PARPBP: variants seen among roughly 807,000 people sequenced by gnomAD.
The protein encoded by PARPBP is PCNA-interacting partner.
PARPBP carries 52 observed loss-of-function variants against 50.0 expected under a neutral mutation model. The observed-to-expected ratio is 1.04, with a 90% CI of 0.83 to 1.31. The LOEUF (loss-of-function observed/expected upper bound fraction) is 1.31. PARPBP is among the 50% of genes most tolerant of loss of function. The pLI, the probability that PARPBP is intolerant of heterozygous loss-of-function variation, is 0.00. For synonymous variants in PARPBP, 244 were observed against 232.1 expected (o/e 1.05, Z -0.47); for missense variants, 697 against 672.0 (o/e 1.04, Z -0.41).
intron 2 of PARPBP, among the ~76,000 whole-genome samples, chr12:102,146,110 G>A (rs892587717): frequency 1.6e-4 from 25 of 152,270 alleles, no homozygotes; most frequent in Admixed American, 8.5e-4. Context: ...TGGGTAGGAA[G>A]AATCAATATG....
chr12:102,180,955 G>A (rs1054808474), intron 8 of PARPBP, among the ~76,000 whole-genome samples: 1 of 152,144 alleles, frequency 6.6e-6, no homozygotes, highest in Non-Finnish European at 1.5e-5. Flanking sequence ...AGTCATTTGA[G>A]TCAAGGGGGT....
chr12:102,153,826 G>T, intron 3 of PARPBP, 43 bp from the exon 4 acceptor site: 1 of 1,039,532 alleles, frequency 9.6e-7, no homozygotes. Context: ...ATTTTTTATA[G>T]TCAGCATAGC....
chr12:102,146,964 A>G (rs1230763065), intron 2 of PARPBP, among the ~76,000 whole-genome samples: 3 of 152,154 alleles, frequency 2.0e-5, no homozygotes, highest in Non-Finnish European at 4.4e-5. Context: ...AACACATGAA[A>G]AAATGCTCAC....
At chr12:102,161,008 TAGG>T (rs1887525553) in intron 4 of PARPBP, among the ~76,000 whole-genome samples, 1 of 152,002 alleles carries the variant, frequency 6.6e-6, no homozygotes, top group Non-Finnish European at 1.5e-5. Context: ...TATAAAATTT[TAGG>T]AGAAGCCTTA....
chr12:102,155,913 C>A (rs1886843948), intron 4 of PARPBP, among the ~76,000 whole-genome samples: 1 of 152,184 alleles, frequency 6.6e-6, no homozygotes, highest in Non-Finnish European at 1.5e-5. Context: ...GCTAAATGCC[C>A]AGGTTCATCC....
intron 2 of PARPBP, among the ~76,000 whole-genome samples, chr12:102,147,588 A>T (rs1885561788): frequency 6.7e-6 from 1 of 150,090 alleles, no homozygotes; most frequent in Non-Finnish European, 1.5e-5. Flanking sequence ...GGGGTGAGGG[A>T]TAGCATTAGG....
At chr12:102,151,752 C>T (rs1886238128) in intron 3 of PARPBP, 1 of 1,535,604 alleles carries the variant, frequency 6.5e-7, no homozygotes, top group Admixed American at 2.0e-5. Context: ...CCATCACGGT[C>T]CAGAAGAAGA....
intron 3 of PARPBP, 169 bp downstream of exon 3, chr12:102,148,632 G>T (rs879616118): frequency 1.3e-5 from 6 of 448,450 alleles, no homozygotes; most frequent in Middle Eastern, 5.8e-4. Flanking sequence ...TTGAAAGAAA[G>T]ATTTTGTGGT....
chr12:102,185,470 G>C (rs116279491), intron 9 of PARPBP, among the ~76,000 whole-genome samples: 1 of 152,262 alleles, frequency 6.6e-6, no homozygotes, highest in African/African-American at 2.4e-5. Context: ...ATTTTCATTA[G>C]AGATGTTGGC....
chr12:102,121,076 T>C (rs1296601207), intron 1 of PARPBP, among the ~76,000 whole-genome samples: 1 of 152,324 alleles, frequency 6.6e-6, no homozygotes, highest in African/African-American at 2.4e-5. Context: ...TATTGTCTCA[T>C]TGACTTCTCA....
At chr12:102,182,912 T>C (rs1025766758) in intron 9 of PARPBP, among the ~76,000 whole-genome samples, 1 of 152,330 alleles carries the variant, frequency 6.6e-6, no homozygotes, top group Non-Finnish European at 1.5e-5. Flanking sequence ...ATGAGTGATG[T>C]GGAAAATAAA....
chr12:102,122,883 A>G (rs1480808878), intron 1 of PARPBP, among the ~76,000 whole-genome samples: 1 of 152,222 alleles, frequency 6.6e-6, no homozygotes, highest in Non-Finnish European at 1.5e-5. Flanking sequence ...AAGTATCTCC[A>G]CCAAGTTAGC....
chr12:102,133,673 CT>C (rs1443631388), intron 2 of PARPBP, among the ~76,000 whole-genome samples: 1 of 151,878 alleles, frequency 6.6e-6, no homozygotes, highest in African/African-American at 2.4e-5. Context: ...GAAGTATTCC[CT>C]TTTCATTTTT....
chr12:102,128,358 A>G (rs1882328710), intron 2 of PARPBP, among the ~76,000 whole-genome samples: 1 of 151,922 alleles, frequency 6.6e-6, no homozygotes, highest in South Asian at 2.1e-4. Context: ...CTGCCTCCCT[A>G]GTAGCTGGGA....
At chr12:102,165,624 T>G in intron 5 of PARPBP, 105 bp from the exon 6 acceptor site, 1 of 897,776 alleles carries the variant, frequency 1.1e-6, no homozygotes, top group East Asian at 2.6e-5. Flanking sequence ...TGTGCTTCAC[T>G]TTTAACTGTA....
At chr12:102,141,938 T>G (rs1884668553) in intron 2 of PARPBP, among the ~76,000 whole-genome samples, 1 of 152,188 alleles carries the variant, frequency 6.6e-6, no homozygotes, top group Non-Finnish European at 1.5e-5. Flanking sequence ...TCAGTTCAAC[T>G]TTGGTGAATC....
chr12:102,154,478 CAT>C (rs1416795911), intron 4 of PARPBP, among the ~76,000 whole-genome samples: 1 of 152,086 alleles, frequency 6.6e-6, no homozygotes, highest in African/African-American at 2.4e-5. Context: ...GGTACCTAAA[CAT>C]ATATGGTAAC....
At chr12:102,125,151 T>C (rs1390764520) in intron 2 of PARPBP, among the ~76,000 whole-genome samples, 1 of 152,168 alleles carries the variant, frequency 6.6e-6, no homozygotes, top group Non-Finnish European at 1.5e-5. Context: ...TGAACAAATA[T>C]TGAGTTTTTA....
rs73384868 is a variant in PARPBP at position 102,170,962 on chromosome 12, A to G, written c.822-4521A>G. Among the ~76,000 whole-genome samples the G allele has an allele frequency of 3.1e-3, 447 of 146,510 alleles. 1 individual carries two copies. The highest frequency in any genetic ancestry group is 0.011 in the African/African-American group (416 of 39,470). ...TTTTGTTTAAAATTAAGACACAAAC[A>G]TAAACATTAGCCTAGGTCTACACAG... On this transcript the variant is annotated intron_variant, in intron 6 of 10. Transcript: ENST00000327680.
Sources: gnomAD v4.1 joint callset for allele counts (sites outside exome capture counted in the v4.1 genomes callset) on GRCh38, gnomAD v4.1.1 for gene constraint, MANE v1.5 for transcripts, NCBI Gene and HGNC (gene_info 2026-07-23, HGNC 2026-07-21) for gene names.